Variants in SLC11A2 observed in about 807,000 individuals in gnomAD.
The protein encoded by SLC11A2 is natural resistance-associated macrophage protein 2.
Under a neutral mutation model 68.0 loss-of-function variants are expected in SLC11A2, and 38 were observed. The observed-to-expected ratio is 0.56, with a 90% CI of 0.43 to 0.73. SLC11A2 has a LOEUF of 0.73. SLC11A2 is among the 30% of genes least tolerant of loss of function. SLC11A2 has a pLI of 0.00. For missense variants in SLC11A2, 517 were observed against 690.5 expected, an observed-to-expected ratio of 0.75 and a Z score of 2.82; for synonymous variants, 242 against 250.6, an observed-to-expected ratio of 0.97 and a Z score of 0.32.
At chr12:51,025,421 G>C (rs768082364) in intron 1 of SLC11A2, among the ~76,000 whole-genome samples, 10 of 152,178 alleles carry the variant, frequency 6.6e-5, no homozygotes, top group Non-Finnish European at 1.3e-4. Context: ...CATGCTCAAA[G>C]ATTTACAAAG....
the SLC11A2 span, among the ~76,000 whole-genome samples, chr12:50,969,066 G>A: frequency 2.0e-4 from 31 of 151,470 alleles, no homozygotes; most frequent in Admixed American, 1.4e-3. Context: ...AGGCAGAGGC[G>A]GGTGGATCAC....
At chr12:51,027,915 A>AG (rs751085957), upstream of SLC11A2, among the ~76,000 whole-genome samples, 89 of 136,496 alleles carry the variant, frequency 6.5e-4, no homozygotes, top group African/African-American at 1.5e-3. Context: ...ACCAAAAAAA[A>AG]GTGGGGGGGG....
the SLC11A2 span, chr12:50,960,862 T>TA: frequency 6.3e-6 from 6 of 954,596 alleles, no homozygotes; most frequent in Non-Finnish European, 9.0e-6. Flanking sequence ...TTTTTTTTTT[T>TA]AGAGATGGGG....
At chr12:51,021,272 C>G (rs1315354085) in intron 1 of SLC11A2, among the ~76,000 whole-genome samples, 1 of 152,102 alleles carries the variant, frequency 6.6e-6, no homozygotes, top group African/African-American at 2.4e-5. Flanking sequence ...GACACCAAAC[C>G]ATACTTTGCA....
the SLC11A2 span, among the ~76,000 whole-genome samples, chr12:50,971,304 GA>G: frequency 6.6e-6 from 1 of 152,172 alleles, no homozygotes; most frequent in Non-Finnish European, 1.5e-5. Context: ...CATCAGAGGA[GA>G]ATGGTCATGT....
chr12:50,967,679 C>T, the SLC11A2 span, among the ~76,000 whole-genome samples: 308 of 152,304 alleles, frequency 2.0e-3, 1 homozygote, highest in African/African-American at 7.0e-3. Flanking sequence ...TAAATCTAAA[C>T]GGATCAGAGA....
upstream of SLC11A2, among the ~76,000 whole-genome samples, chr12:51,026,896 G>A (rs1309219542): frequency 6.6e-6 from 1 of 152,092 alleles, no homozygotes; most frequent in South Asian, 2.1e-4. Flanking sequence ...CCAAGCAAAG[G>A]CCGGGCGCGG....
downstream of SLC11A2, among the ~76,000 whole-genome samples, chr12:50,984,671 T>G (rs1349356869): frequency 2.0e-5 from 3 of 152,218 alleles, no homozygotes; most frequent in East Asian, 5.8e-4. Context: ...AACTAGTAAC[T>G]CTTGGCTATT....
the SLC11A2 span, among the ~76,000 whole-genome samples, chr12:50,959,617 A>G: frequency 6.6e-6 from 1 of 151,872 alleles, no homozygotes; most frequent in Admixed American, 6.6e-5. Flanking sequence ...TTATTCCAGT[A>G]TCTGGGTTTA....
chr12:50,957,821 G>T, the SLC11A2 span, among the ~76,000 whole-genome samples: 2 of 151,958 alleles, frequency 1.3e-5, no homozygotes, highest in Non-Finnish European at 2.9e-5. Context: ...GGAGGTGGGG[G>T]TTGCAGTGAG....
At chr12:50,958,307 A>C in the SLC11A2 span, among the ~76,000 whole-genome samples, 1 of 137,512 alleles carries the variant, frequency 7.3e-6, no homozygotes, top group Non-Finnish European at 1.5e-5. Context: ...TTTTAGACGG[A>C]GTCTTGCTCT....
intron 3 of SLC11A2, among the ~76,000 whole-genome samples, chr12:51,007,311 A>C (rs1942809290): frequency 6.6e-6 from 1 of 152,024 alleles, no homozygotes; most frequent in Non-Finnish European, 1.5e-5. Flanking sequence ...AACCTCTTTA[A>C]ACATTTTACA....
intron 12 of SLC11A2, 148 bp from the exon 13 acceptor site, chr12:50,992,487 T>C: frequency 1.3e-6 from 1 of 762,134 alleles, no homozygotes. Flanking sequence ...TCCCAGCACT[T>C]TGAGAGGCCA....
At chr12:50,966,566 C>G in the SLC11A2 span, among the ~76,000 whole-genome samples, 15 of 152,158 alleles carry the variant, frequency 9.9e-5, no homozygotes, top group African/African-American at 3.6e-4. Flanking sequence ...ACCATATTTC[C>G]CTGGGGAACA....
intron 8 of SLC11A2, among the ~76,000 whole-genome samples, chr12:50,997,371 A>C (rs2136224641): frequency 6.6e-6 from 1 of 152,334 alleles, no homozygotes. Flanking sequence ...AACACATCTT[A>C]GATATATGAA....
At chr12:50,984,664 T>A (rs970940416), downstream of SLC11A2, among the ~76,000 whole-genome samples, 3 of 152,232 alleles carry the variant, frequency 2.0e-5, no homozygotes, top group African/African-American at 7.2e-5. Context: ...ACTTATTAAC[T>A]AGTAACTCTT....
Position 50,987,392 on chromosome 12 carries a change from C to T in SLC11A2, c.*933G>A. On this transcript the variant is annotated 3_prime_UTR_variant, in exon 16 of 16. Coordinates refer to ENST00000262052, the MANE Select transcript of SLC11A2 (RefSeq NM_000617.3). ...ACATGACGATTCTGCTGAGAGGTGG[C>T]TTTAGGAACAAAATAGATGGCTCTC... 2 of 1,287,160 alleles carry T rather than the reference C, an allele frequency of 1.6e-6. No individual in the cohort carries two copies. Among genetic ancestry groups the T allele is most frequent in the Non-Finnish European group, 2.0e-6 (2 of 988,684 alleles). 79.7% of individuals were successfully genotyped at this position (1,287,160 alleles called of 1,614,324 possible).
intron 1 of SLC11A2, among the ~76,000 whole-genome samples, chr12:51,021,915 T>A (rs937556054): frequency 3.9e-5 from 6 of 152,120 alleles, no homozygotes; most frequent in Non-Finnish European, 8.8e-5. Context: ...GGAGTACTTA[T>A]CTTTTAAACA....
chr12:50,961,298 T>A, the SLC11A2 span, among the ~76,000 whole-genome samples: 1 of 152,154 alleles, frequency 6.6e-6, no homozygotes, highest in Non-Finnish European at 1.5e-5. Context: ...TGACAAAAAC[T>A]GACAAAACCT....
Sources: gnomAD v4.1 joint callset for allele counts (sites outside exome capture counted in the v4.1 genomes callset) on GRCh38, gnomAD v4.1.1 for gene constraint, MANE v1.5 for transcripts, NCBI Gene and HGNC (gene_info 2026-07-23, HGNC 2026-07-21) for gene names.